Variants in UBN1 observed in about 807,000 individuals in gnomAD.
The protein encoded by UBN1 is ubinuclein-1.
A neutral mutation model predicts 108.5 loss-of-function variants in UBN1; 17 were observed. That is an observed-to-expected ratio of 0.16 (90% CI 0.11 to 0.24). The LOEUF (loss-of-function observed/expected upper bound fraction) is 0.24, where lower values mean the gene tolerates loss of function less well. Among genes scored for constraint, UBN1 ranks in the 10% least tolerant of loss-of-function variants. The pLI, the probability that UBN1 is intolerant of heterozygous loss-of-function variation, is 1.00. For synonymous variants in UBN1, 726 were observed against 564.2 expected, an observed-to-expected ratio of 1.29 and a Z score of -4.07; for missense variants, 1,595 against 1,394.4, an observed-to-expected ratio of 1.14 and a Z score of -2.29.
At chr16:4,848,312 T>C (rs1314230674) in intron 1 of UBN1, 102 bp downstream of exon 1, 1 of 152,288 alleles carries the variant, frequency 6.6e-6, no homozygotes, top group Admixed American at 6.5e-5. Flanking sequence ...GGGCGTAGTT[T>C]GGACACTTTA....
chr16:4,858,970 A>G, intron 4 of UBN1, 55 bp from the exon 5 acceptor site: 5 of 1,592,494 alleles, frequency 3.1e-6, no homozygotes, highest in South Asian at 1.1e-5. Context: ...CCCACTTTGC[A>G]CCTTCGGACT....
chr16:4,862,742 A>G (rs1014868753), intron 7 of UBN1, among the ~76,000 whole-genome samples: 5 of 152,232 alleles, frequency 3.3e-5, no homozygotes. Context: ...CTTGGGAAAG[A>G]TGGGGACAGA....
At chr16:4,861,669 C>T (rs949358955) in intron 7 of UBN1, among the ~76,000 whole-genome samples, 1 of 152,228 alleles carries the variant, frequency 6.6e-6, no homozygotes, top group African/African-American at 2.4e-5. Flanking sequence ...CGGCAGGGTG[C>T]AGTGGCTCAC....
Position 4,872,919 on chromosome 16 carries a change from A to T in UBN1, c.1742A>T (p.His581Leu). ...LFKESRRGHG[H>L]LTSILAKKKV... ...AAGGAGAGCAGACGAGGCCATGGGC[A>T]CCTGACTTCAATCCTGTGAGTGTCT... Residue 581 changes from histidine to leucine, a missense_variant, in exon 13 of 18, where the codon CAC becomes CTC. Coordinates refer to ENST00000262376, the MANE Select transcript of UBN1 (RefSeq NM_001079514.3). The T allele has an allele frequency of 1.2e-6, 2 of 1,614,214 alleles. No individual in the cohort carries two copies. The highest frequency in any genetic ancestry group is 1.7e-6 in the Non-Finnish European group (2 of 1,180,030).
At chr16:4,875,683 A>G (rs2087848450) in intron 15 of UBN1, among the ~76,000 whole-genome samples, 1 of 152,236 alleles carries the variant, frequency 6.6e-6, no homozygotes, top group Non-Finnish European at 1.5e-5. Flanking sequence ...GCCAGCACCA[A>G]GCACCATGCC....
In UBN1 at chr16:4,874,622, T is replaced by A; in HGVS notation, c.2212T>A (p.Phe738Ile). 3 of 1,614,184 alleles carry A rather than the reference T, an allele frequency of 1.9e-6. No individual in the cohort carries two copies. Among genetic ancestry groups the A allele is most frequent in the Non-Finnish European group, 2.5e-6 (3 of 1,180,034 alleles). The change falls in exon 15 of 18, where the codon TTT (phenylalanine) becomes ATT (isoleucine). Residue 738 changes from phenylalanine (F) to isoleucine (I), a missense_variant. Around this residue, in one of 3 missense-constraint regions of UBN1, gnomAD observed 1,398 missense variants for 1,194.7 expected, o/e 1.17. Transcript: ENST00000262376. ...PASSLQSPLN[F>I]LAEQALALGQ... Reference sequence around the variant, plus strand: ...TAGCTCTCTGCAGTCACCCCTCAATTTTCTGGCAGAACAGGCTCTGGCACT... The same window carrying A: ...TAGCTCTCTGCAGTCACCCCTCAATATTCTGGCAGAACAGGCTCTGGCACT...
chr16:4,872,458 G>A (rs572074771), intron 12 of UBN1: 4 of 319,612 alleles, frequency 1.3e-5, no homozygotes, highest in African/African-American at 2.3e-5. Flanking sequence ...TTGTGTGTGT[G>A]GGGGGTGGGT....
chr16:4,876,418 T>C (rs2087886851), intron 15 of UBN1, among the ~76,000 whole-genome samples: 1 of 152,254 alleles, frequency 6.6e-6, no homozygotes, highest in African/African-American at 2.4e-5. Flanking sequence ...TTAATAAATA[T>C]AAATAAAGGT....
At position 4,874,572 on chromosome 16, in the gene UBN1, C is replaced by T. The variant is rs1052133206; in HGVS notation, c.2162C>T (p.Pro721Leu). The T allele has an allele frequency of 4.3e-6, 7 of 1,614,128 alleles. No individual in the cohort carries two copies. Among genetic ancestry groups the T allele is most frequent in the African/African-American group, 1.3e-5 (1 of 74,948 alleles). ...GAAGAAAAAAGGAACTTTGCGAAGC[C>T]TAGTCCTTCTGCTCCACCACCAGCT... Reference protein sequence around the residue: ...CTEEKRNFAKPSPSAPPPASS... With the variant: ...CTEEKRNFAKLSPSAPPPASS... Residue 721 changes from proline to leucine, a missense_variant, in exon 15 of 18, where the codon CCT (proline) becomes CTT (leucine). Transcript: ENST00000262376.
At chr16:4,863,871 CAA>C (rs950421703) in intron 7 of UBN1, among the ~76,000 whole-genome samples, 1 of 152,094 alleles carries the variant, frequency 6.6e-6, no homozygotes, top group Non-Finnish European at 1.5e-5. Context: ...GGCAACATCT[CAA>C]GAGGGGAAAG....
At chr16:4,850,383 A>G (rs1157543149) in intron 1 of UBN1, among the ~76,000 whole-genome samples, 3 of 152,106 alleles carry the variant, frequency 2.0e-5, no homozygotes, top group Non-Finnish European at 4.4e-5. Flanking sequence ...GGACAGGGGG[A>G]GTAGGACCTG....
rs1417314081 is a variant in UBN1, at chr16:4,847,547, G to A, written c.-703G>A. Reference sequence around the variant, plus strand: ...CGCGGTCTGAGGCGGCGGCGGCGGCGACGGTGCGACCGGCTGAGCGCGAGA... The same window carrying A: ...CGCGGTCTGAGGCGGCGGCGGCGGCAACGGTGCGACCGGCTGAGCGCGAGA... On this transcript the variant is annotated 5_prime_UTR_variant, in exon 1 of 18. Coordinates refer to ENST00000262376, the MANE Select transcript of UBN1 (RefSeq NM_001079514.3). The A allele has an allele frequency of 6.7e-6, 3 of 446,132 alleles. No homozygotes were observed. Among genetic ancestry groups the A allele is most frequent in the Non-Finnish European group, 1.2e-5 (3 of 252,008 alleles). 27.6% of individuals were successfully genotyped at this position (446,132 alleles called of 1,614,324 possible).
chr16:4,879,164 CCAG>C (rs778058612), intron 17 of UBN1, among the ~76,000 whole-genome samples: 1 of 152,084 alleles, frequency 6.6e-6, no homozygotes, highest in Non-Finnish European at 1.5e-5. Flanking sequence ...TTGAACGTCG[CCAG>C]CAAAAGGAGA....
rs371718710 is a variant in UBN1 at position 4,870,299 on chromosome 16, T to C, written c.1269T>C (p.Asp423=). The part of the protein sequence containing the change: ...YLASFLPCSK[D]ALLKRARKLH... ...CGTCATTCCTGCCCTGCAGCAAGGA[T>C]GCCCTGCTCAAGCGTGCTCGGAAAC... is the stretch of plus-strand genomic sequence containing the variant. Residue 423 remains aspartate, a synonymous_variant, in exon 9 of 18, where the codon GAT becomes GAC. Transcript: ENST00000262376. The C allele has an allele frequency of 9.0e-5, 145 of 1,614,206 alleles. No individual in the cohort carries two copies. The highest frequency in any genetic ancestry group is 1.1e-4 in the Non-Finnish European group (129 of 1,180,034).
intron 9 of UBN1, 54 bp from the exon 10 acceptor site, chr16:4,870,462 T>TGA: frequency 6.2e-7 from 1 of 1,612,678 alleles, no homozygotes; most frequent in South Asian, 1.1e-5. Flanking sequence ...TCATGCGTCC[T>TGA]GAGCGTAAGA....
At position 4,875,401 on chromosome 16, in the gene UBN1, A is replaced by G; in HGVS notation, c.2991A>G (p.Ala997=). The change falls in exon 15 of 18, where the codon GCA becomes GCG. Residue 997 remains alanine, a synonymous_variant. Coordinates refer to ENST00000262376, the MANE Select transcript of UBN1 (RefSeq NM_001079514.3). ...CCTCGCCGTCCCTAAAGCCCTCTGCAGTTAGTAGTGTGACATCGTCTACCT... is the reference window on the plus strand; with the variant it reads ...CCTCGCCGTCCCTAAAGCCCTCTGCGGTTAGTAGTGTGACATCGTCTACCT... The part of the protein sequence containing the change: ...LLTSPSLKPS[A]VSSVTSSTSL... 1 of 1,613,612 alleles carries G rather than the reference A, an allele frequency of 6.2e-7. No individual in the cohort carries two copies. The highest frequency in any genetic ancestry group is 8.5e-7 in the Non-Finnish European group (1 of 1,179,686).
chr16:4,877,550 C>T lies in UBN1; in HGVS notation c.3355+76C>T. 1 of 1,498,766 alleles carries T rather than the reference C, an allele frequency of 6.7e-7. No homozygotes were observed. The highest frequency in any genetic ancestry group is 8.9e-7 in the Non-Finnish European group (1 of 1,127,408). The allele number at this position is 1,498,766 out of a possible 1,614,324, so 92.8% of individuals were successfully genotyped here. ...TCCACCCCTAGGTGCTTTGCCGCTG[C>T]CAAGGGTCTTGGTGTCTTTGCCTTG... On this transcript the variant is annotated intron_variant, in intron 17 of 17. Transcript: ENST00000262376. This position sits in a 1 kb window ranked among gnomAD's most constrained non-coding sequence, Gnocchi z 4.3.
intron 2 of UBN1, among the ~76,000 whole-genome samples, chr16:4,854,712 C>T (rs573418391): frequency 1.0e-4 from 15 of 150,054 alleles, no homozygotes; most frequent in Non-Finnish European, 2.2e-4. Context: ...ATTTGAGTAC[C>T]GCCTAGGTGA....
exon 18 of UBN1, chr16:4,882,394 G>GAAGT (rs1413718918): frequency 6.8e-6 from 1 of 146,294 alleles, no homozygotes; most frequent in Non-Finnish European, 1.5e-5. Flanking sequence ...CTACCATGTG[G>GAAGT]AAGTAAGTAG....
Sources: allele counts gnomAD v4.1 joint callset (sites outside exome capture counted in the v4.1 genomes callset), GRCh38; gene constraint gnomAD v4.1.1; regional missense constraint gnomAD v4.1.1; non-coding constraint Gnocchi (gnomAD v3.1); transcripts MANE v1.5; gene names NCBI Gene and HGNC (gene_info 2026-07-23, HGNC 2026-07-21).